The following CAPG variants were observed in gnomAD, a reference collection of about 807,000 sequenced individuals.
CAPG encodes the protein macrophage-capping protein.
Under a neutral mutation model 44.6 loss-of-function variants are expected in CAPG, and 32 were observed. The observed-to-expected ratio is 0.72, with a 90% CI of 0.54 to 0.96. The LOEUF (loss-of-function observed/expected upper bound fraction) is 0.96. CAPG is among the 50% of genes least tolerant of loss of function. The pLI, the probability that CAPG is intolerant of heterozygous loss-of-function variation, is 0.00. For synonymous variants in CAPG, 175 were observed against 179.6 expected, an observed-to-expected ratio of 0.97 and a Z score of 0.20; for missense variants, 412 against 438.3, an observed-to-expected ratio of 0.94 and a Z score of 0.54.
rs1056944351 is a variant in CAPG at position 85,395,500 on chromosome 2, C to T, written c.981+38G>A. 1.9e-6 allele frequency: 3 copies of T among 1,557,968 alleles called. No individual in the cohort carries two copies. The African/African-American group carries it at 4.1e-5, about 21-fold the overall frequency. Reference sequence around the variant, plus strand: ...GAGGGGTCAGGGGCCACAGGAAGAGCCCTAGGAAGAGGGCTGTGGTTGTGC... The same window carrying T: ...GAGGGGTCAGGGGCCACAGGAAGAGTCCTAGGAAGAGGGCTGTGGTTGTGC... On this transcript the variant is annotated intron_variant, in intron 9 of 9. Coordinates refer to ENST00000263867, the MANE Select transcript of CAPG (RefSeq NM_001747.4). The surrounding 1 kb of genome is among the most constrained non-coding windows in gnomAD (Gnocchi z 4.3).
chr2:85,414,463 T>C (rs992873460), upstream of CAPG, among the ~76,000 whole-genome samples: 1 of 149,350 alleles, frequency 6.7e-6, no homozygotes, highest in South Asian at 2.1e-4. Flanking sequence ...AGGGTCTCAC[T>C]CTGTCGCGGC....
downstream of CAPG, among the ~76,000 whole-genome samples, chr2:85,393,566 T>G (rs556749305): frequency 2.0e-4 from 31 of 151,866 alleles, no homozygotes; most frequent in East Asian, 6.1e-3. Context: ...GGAGCTCATT[T>G]CTTTTTTATT....
At chr2:85,393,667 C>T (rs1233047998), downstream of CAPG, among the ~76,000 whole-genome samples, 1 of 152,024 alleles carries the variant, frequency 6.6e-6, no homozygotes, top group Non-Finnish European at 1.5e-5. Context: ...CGGGTTTAAG[C>T]GATTCTCCTG....
At chr2:85,397,971 GGT>G in intron 8 of CAPG, 47 bp downstream of exon 8, 1 of 1,589,432 alleles carries the variant, frequency 6.3e-7, no homozygotes, top group Middle Eastern at 1.7e-4. Flanking sequence ...AGCCTGCCCG[GGT>G]CAGAGCAGCT....
chr2:85,408,338 T>TCTCACACACACACACA (rs1425371847), intron 1 of CAPG, among the ~76,000 whole-genome samples: 6 of 129,490 alleles, frequency 4.6e-5, no homozygotes, highest in African/African-American at 1.2e-4. Context: ...GAAGAATCTG[T>TCTCACACACACACACA]CACACACACA....
chr2:85,403,440 C>T (rs997163183), intron 1 of CAPG, among the ~76,000 whole-genome samples: 7 of 152,134 alleles, frequency 4.6e-5, no homozygotes, highest in Admixed American at 3.9e-4. Flanking sequence ...GACATAATAC[C>T]AATTGTACAC....
At chr2:85,417,822 A>C (rs1573198522) in intron 1 of CAPG, among the ~76,000 whole-genome samples, 1 of 151,966 alleles carries the variant, frequency 6.6e-6, no homozygotes, top group Non-Finnish European at 1.5e-5. Context: ...GAAGGCCCAG[A>C]CCTTTCCTCC....
upstream of CAPG, among the ~76,000 whole-genome samples, chr2:85,412,924 T>C (rs910055475): frequency 6.6e-6 from 1 of 152,224 alleles, no homozygotes; most frequent in Non-Finnish European, 1.5e-5. Flanking sequence ...CTATGATTAA[T>C]GAGCAAATAA....
rs1184472713 is a variant in CAPG at position 85,401,196 on chromosome 2, G to A, written c.485C>T (p.Thr162Ile). ...CAGGTCCAGGATGAAGCAGTCCCCA[G>A]TGTTGAAGCTGTCCCAGTTCAGTGC... ...ERALNWDSFN[T>I]GDCFILDLGQ... is the part of the protein sequence containing the mutation. The change falls in exon 5 of 10, where the codon ACT becomes ATT. Residue 162 changes from threonine (T) to isoleucine (I), a missense_variant. Physicochemically the swap from Thr to Ile is moderately conservative, Grantham distance 89. Coordinates refer to ENST00000263867, the MANE Select transcript of CAPG (RefSeq NM_001747.4). 6.2e-7 allele frequency: 1 copy of A among 1,614,066 alleles called. No individual in the cohort carries two copies. The highest frequency in any genetic ancestry group is 1.1e-5 in the South Asian group (1 of 91,086).
chr2:85,413,015 T>C (rs1687462466), upstream of CAPG: 1 of 152,266 alleles, frequency 6.6e-6, no homozygotes, highest in Admixed American at 6.5e-5. Context: ...GAAATGTGCC[T>C]GGCCACTCCC....
At position 85,398,049 on chromosome 2, in the gene CAPG, C is replaced by A; in HGVS notation, c.863G>T (p.Gly288Val). ...ISDDCFVLDN[G>V]LCGKIYIWKG... ...CCAGATATAGATCTTGCCACAGAGC[C>A]CGTTGTCCAGCACAAAGCAGTCATC... is the stretch of plus-strand genomic sequence containing the variant. Residue 288 changes from glycine to valine, a missense_variant, in exon 8 of 10, where the codon GGG becomes GTG. Gly to Val is a moderately radical substitution (Grantham distance 109, BLOSUM62 -3). Coordinates refer to ENST00000263867, the MANE Select transcript of CAPG (RefSeq NM_001747.4). 6.2e-7 allele frequency: 1 copy of A among 1,614,022 alleles called. No homozygotes were observed.
In CAPG at chr2:85,402,475, T is replaced by C. The variant is rs188841534; in HGVS notation, c.-13-317A>G. On this transcript the variant is annotated intron_variant, in intron 1 of 9. Coordinates refer to ENST00000263867, the MANE Select transcript of CAPG (RefSeq NM_001747.4). ...AGAAACAAGAGAGAAGAGCAATGAA[T>C]TTTTTTTTTGAGACTGAGTCTCACT... Among the ~76,000 whole-genome samples, 4 of 148,038 alleles carry C rather than the reference T, an allele frequency of 2.7e-5. No individual in the cohort carries two copies. The East Asian group carries it at 7.7e-4, about 29-fold the overall frequency.
At chr2:85,415,830 A>G (rs903055898) in intron 1 of CAPG, among the ~76,000 whole-genome samples, 5 of 152,288 alleles carry the variant, frequency 3.3e-5, no homozygotes, top group African/African-American at 1.2e-4. Context: ...TGAGGATTCA[A>G]TGAAAGGCTG....
chr2:85,395,579 C>G lies in CAPG; in HGVS notation c.940G>C (p.Glu314Gln). The part of the protein sequence containing the change: ...KERQAALQVA[E>Q]GFISRMQYAP... Reference sequence around the variant, plus strand: ...TACTGCATGCGCGAGATGAAGCCCTCGGCCACCTGCAGGGCTGCCTGCCGC... The same window carrying G: ...TACTGCATGCGCGAGATGAAGCCCTGGGCCACCTGCAGGGCTGCCTGCCGC... Residue 314 changes from glutamate to glutamine, a missense_variant, in exon 9 of 10, where the codon GAG (glutamate) becomes CAG (glutamine). Transcript: ENST00000263867. The surrounding 1 kb of genome is among the most constrained non-coding windows in gnomAD (Gnocchi z 4.3). 3.7e-6 allele frequency: 6 copies of G among 1,613,794 alleles called. No homozygotes were observed. Among genetic ancestry groups the G allele is most frequent in the Non-Finnish European group, 5.1e-6 (6 of 1,179,888 alleles).
chr2:85,414,982 T>C (rs1407481995), upstream of CAPG, among the ~76,000 whole-genome samples: 1 of 152,178 alleles, frequency 6.6e-6, no homozygotes. Context: ...TAAGATCCTT[T>C]TGTGGGAGGC....
At chr2:85,404,108 T>A (rs898301701) in intron 1 of CAPG, among the ~76,000 whole-genome samples, 4 of 152,066 alleles carry the variant, frequency 2.6e-5, no homozygotes, top group Non-Finnish European at 4.4e-5. Context: ...AAATGATAAA[T>A]GTTTAAAGTG....
chr2:85,418,229 GC>G (rs766728272), intron 1 of CAPG: 9 of 152,214 alleles, frequency 5.9e-5, no homozygotes, highest in Non-Finnish European at 1.3e-4. Context: ...GCCGACTCCG[GC>G]CAGAGCGCGC....
At chr2:85,398,192 A>G (rs746158264) in intron 7 of CAPG, 40 bp from the exon 8 acceptor site, 77 of 1,599,426 alleles carry the variant, frequency 4.8e-5, no homozygotes, top group South Asian at 2.6e-4. Context: ...CCCCCCACAC[A>G]CCAGCCCTCA....
In CAPG at chr2:85,395,123, G is replaced by A. The variant is rs1686525845; in HGVS notation, c.982-165C>T. The stretch of plus-strand genomic sequence containing the variant: ...CTCCCCTGGATGAGCCATGAGATGA[G>A]AACCAAGATTTCAGGGACACAGACA... On this transcript the variant is annotated intron_variant, in intron 9 of 9. Coordinates refer to ENST00000263867, the MANE Select transcript of CAPG (RefSeq NM_001747.4). This position sits in a 1 kb window ranked among gnomAD's most constrained non-coding sequence, Gnocchi z 4.3. 1.3e-5 allele frequency among the ~76,000 whole-genome samples: 2 copies of A among 152,190 alleles called. No individual in the cohort carries two copies. Among genetic ancestry groups the A allele is most frequent in the South Asian group, 4.1e-4 (2 of 4,828 alleles).
Sources: allele counts gnomAD v4.1 joint callset (sites outside exome capture counted in the v4.1 genomes callset), GRCh38; gene constraint gnomAD v4.1.1; non-coding constraint Gnocchi (gnomAD v3.1); transcripts MANE v1.5; gene names NCBI Gene and HGNC (gene_info 2026-07-23, HGNC 2026-07-21).